The following DISP1 variants were observed in gnomAD, a reference collection of about 807,000 sequenced individuals.
The protein encoded by DISP1 is protein dispatched homolog 1.
In DISP1, 30 loss-of-function variants were observed where a neutral mutation model predicts 37.3. That is an observed-to-expected ratio of 0.80 (90% confidence interval 0.60 to 1.09). The LOEUF (loss-of-function observed/expected upper bound fraction) is 1.09, where lower values mean the gene tolerates loss of function less well. DISP1 is among the 50% of genes least tolerant of loss of function. The pLI is 0.00. For synonymous variants in DISP1, 634 were observed against 690.2 expected, an observed-to-expected ratio of 0.92 and a Z score of 1.28; for missense variants, 1,598 against 1,879.5, an observed-to-expected ratio of 0.85 and a Z score of 2.77.
At chr1:222,990,796 T>C (rs1227680547) in intron 5 of DISP1, 48 bp downstream of exon 5, 3 of 1,609,770 alleles carry the variant, frequency 1.9e-6, no homozygotes, top group Non-Finnish European at 2.5e-6. Context: ...CTCCAAATAT[T>C]GTGTATTTTA....
chr1:222,824,149 T>A (rs1663678661), intron 1 of DISP1, among the ~76,000 whole-genome samples: 1 of 152,152 alleles, frequency 6.6e-6, no homozygotes, highest in South Asian at 2.1e-4. Flanking sequence ...TACCTTGTTT[T>A]TCAGAACAGT....
At position 222,973,211 on chromosome 1, in the gene DISP1, T is replaced by C. The variant is rs141984900; in HGVS notation, c.510-9869T>C. Among the ~76,000 whole-genome samples, 1,284 of 152,326 alleles carry C rather than the reference T, an allele frequency of 8.4e-3. 14 individuals carry two copies. The highest frequency in any genetic ancestry group is 0.029 in the African/African-American group (1,211 of 41,580). On this transcript the variant is annotated intron_variant, in intron 3 of 8. Coordinates refer to ENST00000675850, the MANE Select transcript of DISP1 (RefSeq NM_001377229.1). ...TGAATACATATGCAATTACCCTTTATAAAAATTCAGTTCACTTTTTAATTA... is the reference window on the plus strand; with the variant it reads ...TGAATACATATGCAATTACCCTTTACAAAAATTCAGTTCACTTTTTAATTA...
intron 2 of DISP1, among the ~76,000 whole-genome samples, chr1:222,940,356 T>TCTCAGGAGAACCCA (rs1674292614): frequency 6.6e-6 from 1 of 151,820 alleles, no homozygotes; most frequent in Admixed American, 6.6e-5. Context: ...AACAACCAGA[T>TCTCAGGAGAACCCA]CTCAGGAGAA....
chr1:222,997,258 G>A (rs1459579653), intron 8 of DISP1, among the ~76,000 whole-genome samples: 1 of 152,128 alleles, frequency 6.6e-6, no homozygotes, highest in Non-Finnish European at 1.5e-5. Context: ...CCACAATCTT[G>A]TACATTTGCT....
chr1:222,981,781 A>G (rs1677856476), intron 3 of DISP1, among the ~76,000 whole-genome samples: 1 of 152,238 alleles, frequency 6.6e-6, no homozygotes, highest in Admixed American at 6.5e-5. Context: ...TTGTTTCTCC[A>G]AGTATGGTAC....
chr1:222,840,975 A>C (rs1031397613), intron 1 of DISP1, among the ~76,000 whole-genome samples: 1 of 152,202 alleles, frequency 6.6e-6, no homozygotes, highest in Non-Finnish European at 1.5e-5. Flanking sequence ...TATTATTATA[A>C]TAAATGCAAA....
chr1:223,005,707 G>A lies in DISP1; in HGVS notation c.4310G>A (p.Gly1437Glu), dbSNP rs1679862416. Residue 1437 changes from glycine to glutamate, a missense_variant, in exon 9 of 9, where the codon GGG becomes GAG. Transcript: ENST00000675850. ...GGAGGGACTGAAAACAAGGCAGGAG[G>A]GAAAGTGGAGCTGAGCTTGTCACAG... ...SSGGTENKAG[G>E]KVELSLSQTD... is the part of the protein sequence containing the mutation. The A allele has an allele frequency of 2.5e-6, 4 of 1,614,124 alleles. No homozygotes were observed. In the East Asian group the frequency reaches 6.7e-5, roughly 27 times the overall value.
chr1:222,883,873 G>A (rs898410704), intron 1 of DISP1, among the ~76,000 whole-genome samples: 1 of 152,174 alleles, frequency 6.6e-6, no homozygotes, highest in African/African-American at 2.4e-5. Context: ...AAATACACCT[G>A]TACAAAAATA....
intron 4 of DISP1, among the ~76,000 whole-genome samples, chr1:222,988,791 C>T (rs1300804176): frequency 6.6e-6 from 1 of 151,792 alleles, no homozygotes; most frequent in Non-Finnish European, 1.5e-5. Context: ...GTAGCTGGGA[C>T]TACAGGCGTG....
chr1:222,834,424 A>G (rs1053152220), intron 1 of DISP1, among the ~76,000 whole-genome samples: 2 of 152,318 alleles, frequency 1.3e-5, no homozygotes, highest in African/African-American at 4.8e-5. Flanking sequence ...AAAATGTTTC[A>G]GTAGAACTTA....
chr1:222,877,534 A>G (rs1335846783), intron 1 of DISP1, among the ~76,000 whole-genome samples: 1 of 152,170 alleles, frequency 6.6e-6, no homozygotes, highest in East Asian at 1.9e-4. Flanking sequence ...TCAAGATGAG[A>G]TTTGGGTGGG....
At chr1:222,860,485 A>G (rs1268609701) in intron 1 of DISP1, among the ~76,000 whole-genome samples, 1 of 152,234 alleles carries the variant, frequency 6.6e-6, no homozygotes, top group East Asian at 1.9e-4. Flanking sequence ...AATGCTACAG[A>G]AGAATGAAAA....
chr1:222,949,032 T>C (rs1387347761), intron 3 of DISP1, among the ~76,000 whole-genome samples: 2 of 152,222 alleles, frequency 1.3e-5, no homozygotes, highest in Non-Finnish European at 2.9e-5. Context: ...TAAATCTTTC[T>C]AAAAGATTCA....
At chr1:222,978,315 G>C (rs1387305707) in intron 3 of DISP1, among the ~76,000 whole-genome samples, 1 of 152,134 alleles carries the variant, frequency 6.6e-6, no homozygotes, top group Non-Finnish European at 1.5e-5. Context: ...CTGCATAAAT[G>C]TCTTCTTTTG....
intron 1 of DISP1, among the ~76,000 whole-genome samples, chr1:222,908,268 C>G (rs1672020360): frequency 6.6e-6 from 1 of 152,188 alleles, no homozygotes; most frequent in Non-Finnish European, 1.5e-5. Flanking sequence ...CGAAGGATCA[C>G]TTGAACACAG....
intron 1 of DISP1, among the ~76,000 whole-genome samples, chr1:222,845,344 G>C (rs1361918501): frequency 6.6e-6 from 1 of 152,096 alleles, no homozygotes; most frequent in East Asian, 1.9e-4. Context: ...ATTATTAGAT[G>C]GATAGTAAAT....
intron 3 of DISP1, among the ~76,000 whole-genome samples, chr1:222,962,134 C>T (rs543211893): frequency 6.6e-6 from 1 of 152,322 alleles, no homozygotes; most frequent in South Asian, 2.1e-4. Context: ...TTCCTTTACA[C>T]CAACAATAGA....
At chr1:222,920,713 G>T (rs1672764403) in intron 1 of DISP1, among the ~76,000 whole-genome samples, 1 of 152,124 alleles carries the variant, frequency 6.6e-6, no homozygotes, top group East Asian at 1.9e-4. Context: ...GCATTAGTCA[G>T]ACTTTTTTCT....
chr1:222,846,876 G>A (rs1473131399), intron 1 of DISP1, among the ~76,000 whole-genome samples: 2 of 152,174 alleles, frequency 1.3e-5, no homozygotes, highest in East Asian at 1.9e-4. Flanking sequence ...AATTCACTGC[G>A]ACTAATTTTT....
Sources: allele counts gnomAD v4.1 joint callset (sites outside exome capture counted in the v4.1 genomes callset), GRCh38; gene constraint gnomAD v4.1.1; transcripts MANE v1.5; gene names NCBI Gene and HGNC (gene_info 2026-07-23, HGNC 2026-07-21).